The following HMGA2 variants were observed in gnomAD, a reference collection of about 807,000 sequenced individuals.
HMGA2 encodes high mobility group protein HMGI-C.
A neutral mutation model predicts 19.1 loss-of-function variants in HMGA2; 8 were observed. The ratio of observed to expected loss-of-function variants is 0.42; its 90% CI spans 0.25 to 0.76. The LOEUF (loss-of-function observed/expected upper bound fraction) is 0.76. Among genes scored for constraint, HMGA2 ranks in the 30% least tolerant of loss-of-function variants. The pLI is 0.28. For missense variants in HMGA2, 109 were observed against 136.3 expected, an observed-to-expected ratio of 0.80 and a Z score of 1.00; for synonymous variants, 60 against 48.8, an observed-to-expected ratio of 1.23 and a Z score of -0.96.
chr12:65,944,450 G>A (rs1876191873), intron 3 of HMGA2, among the ~76,000 whole-genome samples: 1 of 152,158 alleles, frequency 6.6e-6, no homozygotes, highest in African/African-American at 2.4e-5. Flanking sequence ...CAAGAAACTG[G>A]AACACCACAC....
At chr12:65,897,229 A>G (rs1184361518) in intron 3 of HMGA2, among the ~76,000 whole-genome samples, 1 of 152,198 alleles carries the variant, frequency 6.6e-6, no homozygotes, top group Non-Finnish European at 1.5e-5. Context: ...TTTGTGTTGC[A>G]AACAATTCAG....
At chr12:65,946,350 G>T (rs1386305456) in intron 3 of HMGA2, among the ~76,000 whole-genome samples, 1 of 152,068 alleles carries the variant, frequency 6.6e-6, no homozygotes, top group Admixed American at 6.6e-5. Context: ...AGAAGCAAAG[G>T]ATCTAATTAT....
intron 3 of HMGA2, among the ~76,000 whole-genome samples, chr12:65,853,426 A>G (rs1871574579): frequency 6.6e-6 from 1 of 152,142 alleles, no homozygotes; most frequent in Non-Finnish European, 1.5e-5. Flanking sequence ...TTTGTTTCAT[A>G]TTTAATTATG....
rs1465592732 is a variant in HMGA2 at position 65,887,455 on chromosome 12, C to T, written c.249+48886C>T. Among the ~76,000 whole-genome samples, 11 of 152,028 alleles carry T rather than the reference C, an allele frequency of 7.2e-5. No individual in the cohort carries two copies. The East Asian group carries it at 1.9e-3, about 27-fold the overall frequency. On this transcript the variant is annotated intron_variant, in intron 3 of 4. Coordinates refer to ENST00000403681, the MANE Select transcript of HMGA2 (RefSeq NM_003483.6). Reference sequence around the variant, plus strand: ...TATGAAAATTAGCCTGGTGTGGTGGCGTGTACCATAATCCCAGTACTTTGG... The same window carrying T: ...TATGAAAATTAGCCTGGTGTGGTGGTGTGTACCATAATCCCAGTACTTTGG...
rs1034360307 is a variant in HMGA2 at position 65,965,051 on chromosome 12, T to G, written c.*1759T>G. On this transcript the variant is annotated 3_prime_UTR_variant, in exon 5 of 5. Coordinates refer to ENST00000403681, the MANE Select transcript of HMGA2 (RefSeq NM_003483.6). Reference sequence around the variant, plus strand: ...AAATAGTTCAAACTGCAGCTAACCCTAGTCAAAACTATTTTTGTAAAAGAC... The same window carrying G: ...AAATAGTTCAAACTGCAGCTAACCCGAGTCAAAACTATTTTTGTAAAAGAC... 1 of 188,698 alleles carries G rather than the reference T, an allele frequency of 5.3e-6. No homozygotes were observed. Among genetic ancestry groups the G allele is most frequent in the African/African-American group, 2.3e-5 (1 of 42,876 alleles). The allele number at this position is 188,698 out of a possible 1,614,324, so 11.7% of individuals were successfully genotyped here.
At chr12:65,930,943 A>T (rs1484844876) in intron 3 of HMGA2, among the ~76,000 whole-genome samples, 1 of 152,230 alleles carries the variant, frequency 6.6e-6, no homozygotes, top group African/African-American at 2.4e-5. Context: ...TAATTCACTA[A>T]GACAGGAAAA....
intron 3 of HMGA2, among the ~76,000 whole-genome samples, chr12:65,922,229 T>C (rs1031967815): frequency 2.0e-5 from 3 of 152,096 alleles, no homozygotes; most frequent in African/African-American, 7.2e-5. Flanking sequence ...TTTCACTATG[T>C]GTCTGGAAAA....
intron 3 of HMGA2, among the ~76,000 whole-genome samples, chr12:65,948,127 G>A (rs768844448): frequency 1.3e-5 from 2 of 152,130 alleles, no homozygotes; most frequent in African/African-American, 2.4e-5. Context: ...TGGTTTCCCT[G>A]TGAGAAAATG....
chr12:65,899,134 C>T (rs752490643), intron 3 of HMGA2, among the ~76,000 whole-genome samples: 15 of 149,834 alleles, frequency 1.0e-4, no homozygotes, highest in African/African-American at 3.4e-4. Context: ...CAATTTCCAA[C>T]GATGCCTAGC....
At chr12:65,891,648 C>A (rs899642754) in intron 3 of HMGA2, among the ~76,000 whole-genome samples, 1 of 152,202 alleles carries the variant, frequency 6.6e-6, no homozygotes, top group Non-Finnish European at 1.5e-5. Context: ...AGCAGTTTTC[C>A]TGGCTTCTCC....
chr12:65,852,853 G>GA (rs1871545056), intron 3 of HMGA2, among the ~76,000 whole-genome samples: 1 of 152,224 alleles, frequency 6.6e-6, no homozygotes, highest in Non-Finnish European at 1.5e-5. Flanking sequence ...GCCCAGGAGA[G>GA]AGAGATGAGC....
At chr12:65,915,087 A>C in intron 3 of HMGA2, 1 of 1,613,944 alleles carries the variant, frequency 6.2e-7, no homozygotes, top group Non-Finnish European at 8.5e-7. Context: ...ACCAGCTCCA[A>C]GAAGAAAACA....
At chr12:65,865,503 C>T (rs1295145429) in intron 3 of HMGA2, among the ~76,000 whole-genome samples, 1 of 152,066 alleles carries the variant, frequency 6.6e-6, no homozygotes, top group Non-Finnish European at 1.5e-5. Context: ...AGTTAGTCTT[C>T]AGGCTTTTTA....
intron 3 of HMGA2, among the ~76,000 whole-genome samples, chr12:65,848,365 A>C (rs1190456064): frequency 6.6e-6 from 1 of 152,180 alleles, no homozygotes; most frequent in Non-Finnish European, 1.5e-5. Context: ...TAGTACTAAC[A>C]TGAGAATAAA....
intron 3 of HMGA2, among the ~76,000 whole-genome samples, chr12:65,919,797 G>A (rs370938756): frequency 4.6e-5 from 7 of 152,236 alleles, no homozygotes; most frequent in African/African-American, 1.7e-4. Flanking sequence ...ACCAGATGGT[G>A]TTCAGATTTG....
intron 3 of HMGA2, among the ~76,000 whole-genome samples, chr12:65,928,379 C>T (rs1384552017): frequency 3.3e-5 from 5 of 152,136 alleles, no homozygotes; most frequent in Non-Finnish European, 4.4e-5. Flanking sequence ...CTGGGTGAGT[C>T]AGTGAGTGAG....
At chr12:65,854,839 T>C (rs1395600039) in intron 3 of HMGA2, among the ~76,000 whole-genome samples, 1 of 152,232 alleles carries the variant, frequency 6.6e-6, no homozygotes, top group African/African-American at 2.4e-5. Context: ...TGCATGACTG[T>C]AGGAATGTGG....
intron 3 of HMGA2, among the ~76,000 whole-genome samples, chr12:65,906,728 A>G (rs1737890814): frequency 1.3e-5 from 2 of 152,240 alleles, no homozygotes; most frequent in Middle Eastern, 3.2e-3. Flanking sequence ...GAAGAAGATC[A>G]TAAAGAAAAA....
At chr12:65,854,777 C>T (rs1871649301) in intron 3 of HMGA2, among the ~76,000 whole-genome samples, 1 of 152,216 alleles carries the variant, frequency 6.6e-6, no homozygotes, top group Admixed American at 6.5e-5. Flanking sequence ...GTTTGTGGCA[C>T]ATCCCATGAT....
Sources: gnomAD v4.1 joint callset for allele counts (sites outside exome capture counted in the v4.1 genomes callset) on GRCh38, gnomAD v4.1.1 for gene constraint, MANE v1.5 for transcripts, NCBI Gene and HGNC (gene_info 2026-07-23, HGNC 2026-07-21) for gene names.